Variants in TK2 observed in about 807,000 individuals in gnomAD.
TK2 encodes thymidine kinase 2.
Under a neutral mutation model 41.9 loss-of-function variants are expected in TK2, and 35 were observed. The observed-to-expected ratio is 0.84, with a 90% CI of 0.64 to 1.11. The LOEUF is 1.11. TK2 is among the 50% of genes least tolerant of loss of function. The pLI, the probability that TK2 is intolerant of heterozygous loss-of-function variation, is 0.00. For missense variants in TK2, 320 were observed against 351.1 expected, an observed-to-expected ratio of 0.91 and a Z score of 0.71; for synonymous variants, 128 against 129.1, an observed-to-expected ratio of 0.99 and a Z score of 0.06.
chr16:66,515,725 A>G (rs1467737790), intron 8 of TK2, among the ~76,000 whole-genome samples: 1 of 152,168 alleles, frequency 6.6e-6, no homozygotes, highest in Non-Finnish European at 1.5e-5. Context: ...TGTGCGCATC[A>G]CAGCATGGTC....
chr16:66,540,471 C>A (rs1350216236), intron 3 of TK2, among the ~76,000 whole-genome samples: 1 of 151,852 alleles, frequency 6.6e-6, no homozygotes, highest in East Asian at 1.9e-4. Flanking sequence ...CCACACCTGG[C>A]CATGCATATA....
At chr16:66,525,685 T>C (rs1964910430) in intron 6 of TK2, among the ~76,000 whole-genome samples, 1 of 152,134 alleles carries the variant, frequency 6.6e-6, no homozygotes, top group Non-Finnish European at 1.5e-5. Flanking sequence ...AGCCTTTGGC[T>C]TCAAGAGATC....
intron 8 of TK2, 42 bp from the exon 9 acceptor site, chr16:66,513,853 C>T: frequency 6.4e-6 from 10 of 1,552,424 alleles, no homozygotes; most frequent in Non-Finnish European, 8.9e-6. Flanking sequence ...GTGGACAGAG[C>T]AGACCCCACC....
At chr16:66,523,575 T>C (rs1266145222) in intron 6 of TK2, among the ~76,000 whole-genome samples, 1 of 152,228 alleles carries the variant, frequency 6.6e-6, no homozygotes, top group Admixed American at 6.5e-5. Flanking sequence ...ACGCCTATAA[T>C]CCCAACACTT....
chr16:66,542,330 A>G (rs564925693), intron 2 of TK2, among the ~76,000 whole-genome samples: 1 of 152,320 alleles, frequency 6.6e-6, no homozygotes, highest in African/African-American at 2.4e-5. Flanking sequence ...CTTTGAGGCT[A>G]GGAAACACAT....
Position 66,517,694 on chromosome 16 carries a change from C to T in TK2, c.538+95G>A. 8.5e-7 allele frequency: 1 copy of T among 1,171,206 alleles called. No homozygotes were observed. Among genetic ancestry groups the T allele is most frequent in the Non-Finnish European group, 1.3e-6 (1 of 777,244 alleles). 72.6% of individuals were successfully genotyped at this position (1,171,206 alleles called of 1,614,324 possible). Reference sequence around the variant, plus strand: ...AAGGAACTGCCAAGGGCAAGTGCCTCACCCACTGCCCCCAAGGGTTGGGGC... The same window carrying T: ...AAGGAACTGCCAAGGGCAAGTGCCTTACCCACTGCCCCCAAGGGTTGGGGC... On this transcript the variant is annotated intron_variant, in intron 7 of 9. Coordinates refer to ENST00000544898, the MANE Select transcript of TK2 (RefSeq NM_004614.5). The surrounding 1 kb of genome is among the most constrained non-coding windows in gnomAD (Gnocchi z 4.3).
chr16:66,521,797 C>T (rs1387688056), intron 6 of TK2, among the ~76,000 whole-genome samples: 1 of 152,188 alleles, frequency 6.6e-6, no homozygotes, highest in Non-Finnish European at 1.5e-5. Context: ...CCAAGCTTGG[C>T]AAATCCAAGC....
In TK2 at chr16:66,549,959, G is replaced by C; in HGVS notation, c.103C>G (p.Gln35Glu). The C allele has an allele frequency of 6.9e-7, 1 of 1,450,058 alleles. No homozygotes were observed. Among genetic ancestry groups the C allele is most frequent in the Middle Eastern group, 2.5e-4 (1 of 4,004 alleles). 89.8% of individuals were successfully genotyped at this position (1,450,058 alleles called of 1,614,324 possible). A position where few individuals can be genotyped will look rare whatever the true frequency, so the allele number is the denominator to read the frequency against. The stretch of plus-strand genomic sequence containing the variant: ...TTACCGGGAGGCCAGGCCCGGCGCT[G>C]CACCCTCCGCGGCCCGGGGCCTGAG... ...PASGPGPRRV[Q>E]RRAWPPDKEQ... The change falls in exon 1 of 10, where the codon CAG (glutamine) becomes GAG (glutamate). Residue 35 changes from glutamine to glutamate, a missense_variant. By Grantham distance (29) the Gln-to-Glu change is conservative. Transcript: ENST00000544898.
At chr16:66,544,888 A>T (rs1345580080) in intron 2 of TK2, among the ~76,000 whole-genome samples, 1 of 152,158 alleles carries the variant, frequency 6.6e-6, no homozygotes, top group African/African-American at 2.4e-5. Flanking sequence ...GGAGATCAAG[A>T]CCAGCCTGGC....
intron 4 of TK2, among the ~76,000 whole-genome samples, chr16:66,535,377 T>C (rs1965246294): frequency 6.6e-6 from 1 of 152,184 alleles, no homozygotes; most frequent in Non-Finnish European, 1.5e-5. Context: ...CCTGCAACTC[T>C]AGCTGTCTTA....
rs769264728 is a variant in TK2, at chr16:66,517,249, C to G, written c.539-34G>C. 1 of 1,587,236 alleles carries G rather than the reference C, an allele frequency of 6.3e-7. No individual in the cohort carries two copies. The highest frequency in any genetic ancestry group is 1.7e-5 in the Admixed American group (1 of 59,990). ...AAAAGAATACGTGGCTCTCAGGACT[C>G]TGCTCATGGCTTGGAAGCAAAGCAG... On this transcript the variant is annotated intron_variant, in intron 7 of 9. Coordinates refer to ENST00000544898, the MANE Select transcript of TK2 (RefSeq NM_004614.5). The surrounding 1 kb of genome is among the most constrained non-coding windows in gnomAD (Gnocchi z 4.3).
chr16:66,520,622 G>A (rs187407790), intron 6 of TK2, among the ~76,000 whole-genome samples: 1 of 152,324 alleles, frequency 6.6e-6, no homozygotes, highest in African/African-American at 2.4e-5. Flanking sequence ...CGAGTGAGAA[G>A]CCCAATGCTG....
intron 2 of TK2, chr16:66,548,652 C>A: frequency 3.0e-6 from 1 of 332,080 alleles, no homozygotes. Flanking sequence ...AGCTGCCCAA[C>A]CCAAGATGAA....
chr16:66,514,263 G>A lies in TK2; in HGVS notation c.619-452C>T, dbSNP rs1964539790. Reference sequence around the variant, plus strand: ...GCCTGCCAAGTGCCTGGGATTGCAGGCGCGCACCGCCATGCCTGACTGGTT... The same window carrying A: ...GCCTGCCAAGTGCCTGGGATTGCAGACGCGCACCGCCATGCCTGACTGGTT... On this transcript the variant is annotated intron_variant, in intron 8 of 9. Coordinates refer to ENST00000544898, the MANE Select transcript of TK2 (RefSeq NM_004614.5). This position sits in a 1 kb window ranked among gnomAD's most constrained non-coding sequence, Gnocchi z 4.2. Among the ~76,000 whole-genome samples, 2 of 152,250 alleles carry A rather than the reference G, an allele frequency of 1.3e-5. No homozygotes were observed. Among genetic ancestry groups the A allele is most frequent in the South Asian group, 4.1e-4 (2 of 4,836 alleles).
At chr16:66,513,681 C>T (rs369722281) in intron 9 of TK2, 50 bp downstream of exon 9, 17 of 1,559,886 alleles carry the variant, frequency 1.1e-5, no homozygotes, top group African/African-American at 5.4e-5. Flanking sequence ...TTCCCCGGGT[C>T]ACTCCTCTTT....
chr16:66,516,102 T>C (rs1208055880), intron 8 of TK2, among the ~76,000 whole-genome samples: 1 of 151,666 alleles, frequency 6.6e-6, no homozygotes, highest in Non-Finnish European at 1.5e-5. Context: ...AAAGCTCACA[T>C]TAGTGAGGGA....
intron 2 of TK2, among the ~76,000 whole-genome samples, chr16:66,547,071 T>A (rs982296021): frequency 6.6e-6 from 1 of 152,200 alleles, no homozygotes; most frequent in Admixed American, 6.5e-5. Flanking sequence ...TGTTAAGTTC[T>A]GTCCAGTTAT....
Position 66,538,402 on chromosome 16 carries a change from T to A in TK2, c.232-1385A>T, listed in dbSNP as rs146034681. Among the ~76,000 whole-genome samples the A allele has an allele frequency of 3.3e-3, 506 of 152,212 alleles. 3 individuals carry two copies. The highest frequency in any genetic ancestry group is 0.012 in the African/African-American group (484 of 41,514). ...CCCCTCTCCTTCTTCTAGGTCTTCTTCCTAGCCCCTAAGTAGCATACACAG... is the reference window on the plus strand; with the variant it reads ...CCCCTCTCCTTCTTCTAGGTCTTCTACCTAGCCCCTAAGTAGCATACACAG... On this transcript the variant is annotated intron_variant, in intron 3 of 9. Transcript: ENST00000544898.
At chr16:66,516,206 T>C (rs1465330581) in intron 8 of TK2, among the ~76,000 whole-genome samples, 1 of 149,930 alleles carries the variant, frequency 6.7e-6, no homozygotes, top group Admixed American at 6.7e-5. Flanking sequence ...GGGGTTACAA[T>C]GGAAGGAAGG....
Sources: allele counts gnomAD v4.1 joint callset (sites outside exome capture counted in the v4.1 genomes callset), GRCh38; gene constraint gnomAD v4.1.1; non-coding constraint Gnocchi (gnomAD v3.1); transcripts MANE v1.5; gene names NCBI Gene and HGNC (gene_info 2026-07-23, HGNC 2026-07-21).